The following ATP1B4 variants were observed in gnomAD, a reference collection of about 807,000 sequenced individuals.
ATP1B4 encodes protein ATP1B4.
A neutral mutation model predicts 29.6 loss-of-function variants in ATP1B4; 32 were observed. That is an observed-to-expected ratio of 1.08 (90% confidence interval 0.82 to 1.45). The LOEUF (loss-of-function observed/expected upper bound fraction) is 1.45, where lower values mean the gene tolerates loss of function less well. Ranked by LOEUF, ATP1B4 falls within the 40% of genes most tolerant of loss-of-function variation. The pLI is 0.00. For missense variants in ATP1B4, 323 were observed against 276.2 expected (o/e 1.17, Z -1.20); for synonymous variants, 127 against 102.1 (o/e 1.24, Z -1.47).
intron 6 of ATP1B4, among the ~76,000 whole-genome samples, chrX:120,378,183 G>C (rs1025744427): frequency 8.9e-6 from 1 of 111,917 alleles, no homozygotes; most frequent in Non-Finnish European, 1.9e-5. Flanking sequence ...CTATGCACTT[G>C]ATCTGACTTC....
chrX:120,377,234 G>A (rs1228139414), intron 6 of ATP1B4, among the ~76,000 whole-genome samples: 2 of 112,283 alleles, frequency 1.8e-5, no homozygotes, highest in Non-Finnish European at 3.8e-5. Flanking sequence ...CCCACATTTA[G>A]CAAGCATTTA....
intron 7 of ATP1B4, among the ~76,000 whole-genome samples, chrX:120,379,173 G>T: frequency 9.0e-6 from 1 of 111,487 alleles, no homozygotes; most frequent in East Asian, 2.8e-4. Context: ...GGACTCGATA[G>T]ACACTAGTTT....
chrX:120,371,294 G>T, intron 4 of ATP1B4, 84 bp downstream of exon 4: 1 of 779,968 alleles, frequency 1.3e-6, no homozygotes, highest in Non-Finnish European at 2.0e-6. Flanking sequence ...CCTGGCCCAG[G>T]AATCCCAGTC....
At chrX:120,367,474 T>C (rs748825229) in intron 2 of ATP1B4, among the ~76,000 whole-genome samples, 2 of 111,700 alleles carry the variant, frequency 1.8e-5, no homozygotes, top group Admixed American at 9.5e-5. Flanking sequence ...TTATTTTTAC[T>C]CCACAACTTC....
At chrX:120,366,199 C>G (rs933949384) in intron 1 of ATP1B4, among the ~76,000 whole-genome samples, 4 of 111,581 alleles carry the variant, frequency 3.6e-5, no homozygotes, top group Non-Finnish European at 7.5e-5. Context: ...TCTGATAGGA[C>G]AAGGTTAAGT....
intron 4 of ATP1B4, among the ~76,000 whole-genome samples, chrX:120,374,749 G>GTATA (rs1211844886): frequency 0.022 from 196 of 8,961 alleles, 52 homozygotes; most frequent in Admixed American, 0.027. Flanking sequence ...ATATAAGGGT[G>GTATA]TATATATATA....
At position 120,382,882 on chromosome X, in the gene ATP1B4, A is replaced by G. The variant is rs1167317261; in HGVS notation, c.*3248A>G. 8.9e-6 allele frequency: 1 copy of G among 112,418 alleles called. No homozygotes were observed. Among genetic ancestry groups the G allele is most frequent in the East Asian group, 2.8e-4 (1 of 3,621 alleles). The allele number at this position is 112,418 out of a possible 1,213,427, so 9.3% of individuals were successfully genotyped here. ...CATGAAAAATGTAGGTTTACTATACAGAACTGGATATGATAATATATTCAT... is the reference window on the plus strand; with the variant it reads ...CATGAAAAATGTAGGTTTACTATACGGAACTGGATATGATAATATATTCAT... On this transcript the variant is annotated 3_prime_UTR_variant, in exon 8 of 8. Transcript: ENST00000218008.
At position 120,370,861 on chromosome X, in the gene ATP1B4, C is replaced by T; in HGVS notation, c.457+18C>T. On this transcript the variant is annotated intron_variant, in intron 3 of 7. Transcript: ENST00000218008. ...GCCTCCTGGTGAGTGTGCCCAGATGCCCTGTGTTGTCAGAACTTGCTGGAC... is the reference window on the plus strand; with the variant it reads ...GCCTCCTGGTGAGTGTGCCCAGATGTCCTGTGTTGTCAGAACTTGCTGGAC... The T allele has an allele frequency of 8.3e-7, 1 of 1,203,649 alleles. No homozygotes were observed. The highest frequency in any genetic ancestry group is 1.8e-5 in the South Asian group (1 of 54,926).
At chrX:120,371,708 G>A (rs2058314535) in intron 4 of ATP1B4, among the ~76,000 whole-genome samples, 1 of 111,843 alleles carries the variant, frequency 8.9e-6, no homozygotes, top group African/African-American at 3.3e-5. Context: ...TCACTCTGTC[G>A]CCCAGGCTGG....
intron 4 of ATP1B4, among the ~76,000 whole-genome samples, chrX:120,374,624 TATATA>T (rs1208836051): frequency 3.8e-5 from 2 of 52,226 alleles, no homozygotes; most frequent in African/African-American, 9.0e-5. Context: ...TATACCCTTA[TATATA>T]ATATAATATT....
chrX:120,377,767 A>G (rs1328274455), intron 6 of ATP1B4, among the ~76,000 whole-genome samples: 2 of 112,075 alleles, frequency 1.8e-5, no homozygotes, highest in Non-Finnish European at 3.8e-5. Context: ...TCTATAATAA[A>G]CAATACTGGT....
At chrX:120,366,477 T>C (rs1295828117) in intron 1 of ATP1B4, 48 bp from the exon 2 acceptor site, 7 of 1,168,397 alleles carry the variant, frequency 6.0e-6, no homozygotes, top group Non-Finnish European at 6.9e-6. Context: ...GGATGCACCA[T>C]TGTACATTTT....
chrX:120,362,678 T>C (rs930809440), intron 1 of ATP1B4, among the ~76,000 whole-genome samples: 4 of 111,606 alleles, frequency 3.6e-5, no homozygotes, highest in African/African-American at 1.3e-4. Context: ...CTTTCTAAAG[T>C]AGAAATTCCA....
intron 5 of ATP1B4, among the ~76,000 whole-genome samples, 162 bp downstream of exon 5, chrX:120,375,730 T>TC (rs757909308): frequency 8.0e-4 from 86 of 107,811 alleles, no homozygotes; most frequent in Middle Eastern, 4.7e-3. Flanking sequence ...ATCAATTTCT[T>TC]CCCCCCCGCC....
At position 120,370,932 on chromosome X, in the gene ATP1B4, C is replaced by T. The variant is rs183202496; in HGVS notation, c.457+89C>T. The T allele has an allele frequency of 1.9e-4, 205 of 1,106,224 alleles. 1 individual carries two copies. The East Asian group carries it at 5.8e-3, about 31-fold the overall frequency. The allele number at this position is 1,106,224 out of a possible 1,213,427, so 91.2% of individuals were successfully genotyped here. ...TGTTCAGCCTCAATTAACTTTGGCT[C>T]TTCCTGGTAATGACTTAGAGATTCA... On this transcript the variant is annotated intron_variant, in intron 3 of 7. Transcript: ENST00000218008.
At chrX:120,368,480 ACT>A (rs1175651698) in intron 2 of ATP1B4, among the ~76,000 whole-genome samples, 1 of 111,271 alleles carries the variant, frequency 9.0e-6, no homozygotes, top group African/African-American at 3.3e-5. Context: ...ATTCTTGGAA[ACT>A]CTATGTTATT....
rs2058381888 is a variant in ATP1B4 at position 120,381,705 on chromosome X, C to A, written c.*2071C>A. The stretch of plus-strand genomic sequence containing the variant: ...ACCTCAAGTGATCCGCCTGCCTCAG[C>A]CTCCCACAGTGCTGGGATTACAGGC... On this transcript the variant is annotated 3_prime_UTR_variant, in exon 8 of 8. Transcript: ENST00000218008. 1 of 112,341 alleles carries A rather than the reference C, an allele frequency of 8.9e-6. No homozygotes were observed. Among genetic ancestry groups the A allele is most frequent in the Non-Finnish European group, 1.9e-5 (1 of 53,323 alleles). The allele number at this position is 112,341 out of a possible 1,213,427, so 9.3% of individuals were successfully genotyped here.
rs756077276 is a variant in ATP1B4, at chrX:120,379,895, C to T, written c.*261C>T. ...TTAAAACTAAAGCCTGTTCTTGCTG[C>T]TGGTAATCTCCCTGTAGCGTAAACA... On this transcript the variant is annotated 3_prime_UTR_variant, in exon 8 of 8. Transcript: ENST00000218008. The T allele has an allele frequency of 7.6e-6, 2 of 264,638 alleles. No homozygotes were observed. The highest frequency in any genetic ancestry group is 1.3e-5 in the Non-Finnish European group (2 of 152,561). The allele number at this position is 264,638 out of a possible 1,213,427, so 21.8% of individuals were successfully genotyped here. A position where few individuals can be genotyped will look rare whatever the true frequency, so the allele number is the denominator to read the frequency against.
chrX:120,365,533 T>G (rs1277249067), intron 1 of ATP1B4, among the ~76,000 whole-genome samples: 1 of 112,114 alleles, frequency 8.9e-6, no homozygotes, highest in Admixed American at 9.4e-5. Flanking sequence ...ACCCAACAGG[T>G]GCACAGCCCC....
Sources: gnomAD v4.1 joint callset for allele counts (sites outside exome capture counted in the v4.1 genomes callset) on GRCh38, gnomAD v4.1.1 for gene constraint, MANE v1.5 for transcripts, NCBI Gene and HGNC (gene_info 2026-07-23, HGNC 2026-07-21) for gene names.